The following MAP3K9 variants were observed in gnomAD, a reference collection of about 807,000 sequenced individuals.
MAP3K9 encodes mitogen-activated protein kinase kinase kinase 9, also known as mixed lineage kinase 1 (tyr and ser/thr specificity).
In MAP3K9, 46 loss-of-function variants were observed where a neutral mutation model predicts 95.8. The observed-to-expected ratio is 0.48, with a 90% CI of 0.38 to 0.61. The LOEUF is 0.61. Ranked by LOEUF, MAP3K9 falls within the 20% of genes least tolerant of loss-of-function variation. MAP3K9 has a pLI of 0.00. For missense variants in MAP3K9, 1,296 were observed against 1,474.3 expected (o/e 0.88, Z 1.98); for synonymous variants, 533 against 593.8 (o/e 0.90, Z 1.49).
At chr14:70,803,110 A>C (rs1256810079) in intron 1 of MAP3K9, among the ~76,000 whole-genome samples, 1 of 151,912 alleles carries the variant, frequency 6.6e-6, no homozygotes, top group Non-Finnish European at 1.5e-5. Flanking sequence ...GGCTCCCACC[A>C]CGTGACATGC....
chr14:70,798,640 G>C (rs983304298), intron 2 of MAP3K9, among the ~76,000 whole-genome samples: 1 of 150,920 alleles, frequency 6.6e-6, no homozygotes, highest in East Asian at 2.0e-4. Context: ...CACTACGCCC[G>C]GCTAATTTTT....
At chr14:70,794,825 G>A (rs1019035614) in intron 2 of MAP3K9, among the ~76,000 whole-genome samples, 1 of 151,306 alleles carries the variant, frequency 6.6e-6, no homozygotes, top group African/African-American at 2.4e-5. Flanking sequence ...CTACAGGCAC[G>A]TACCACCATG....
chr14:70,753,370 C>G (rs901976727), intron 3 of MAP3K9, among the ~76,000 whole-genome samples: 2 of 152,174 alleles, frequency 1.3e-5, no homozygotes, highest in African/African-American at 2.4e-5. Flanking sequence ...CTGGGGCTGA[C>G]TAAACTAGTT....
At chr14:70,753,086 C>A (rs565476146) in intron 3 of MAP3K9, 6 of 152,382 alleles carry the variant, frequency 3.9e-5, no homozygotes, top group African/African-American at 1.4e-4. Context: ...TATCACTTAA[C>A]AGCTATGTGC....
intron 2 of MAP3K9, among the ~76,000 whole-genome samples, chr14:70,761,735 T>C (rs1490264917): frequency 6.6e-6 from 1 of 152,262 alleles, no homozygotes; most frequent in East Asian, 1.9e-4. Flanking sequence ...AAGCCTTATT[T>C]TATTTTTTGT....
At chr14:70,773,424 G>T (rs2054556121) in intron 2 of MAP3K9, among the ~76,000 whole-genome samples, 1 of 152,224 alleles carries the variant, frequency 6.6e-6, no homozygotes, top group Non-Finnish European at 1.5e-5. Context: ...TTAATGATAG[G>T]AAAAGAGCCT....
chr14:70,769,119 G>A (rs1222327451), intron 2 of MAP3K9, among the ~76,000 whole-genome samples: 1 of 150,636 alleles, frequency 6.6e-6, no homozygotes, highest in African/African-American at 2.4e-5. Flanking sequence ...GCTGAGGCAG[G>A]AGAATGGCTT....
intron 2 of MAP3K9, among the ~76,000 whole-genome samples, chr14:70,791,602 TG>T (rs2139843910): frequency 6.6e-6 from 1 of 152,360 alleles, no homozygotes; most frequent in African/African-American, 2.4e-5. Context: ...GCACTGGGCC[TG>T]CTGGCCTCAC....
intron 2 of MAP3K9, among the ~76,000 whole-genome samples, chr14:70,777,164 G>T (rs748073594): frequency 1.4e-4 from 22 of 152,220 alleles, no homozygotes; most frequent in Non-Finnish European, 2.9e-4. Flanking sequence ...TCTCTAGGGC[G>T]CTGTTGCTTC....
intron 2 of MAP3K9, among the ~76,000 whole-genome samples, chr14:70,793,622 G>A (rs2054830441): frequency 6.6e-6 from 1 of 152,094 alleles, no homozygotes; most frequent in Admixed American, 6.6e-5. Context: ...TACATTTTGG[G>A]ATCACGTAAG....
rs767594940 is a variant in MAP3K9 at position 70,800,686 on chromosome 14, G to A, written c.801C>T (p.Arg267=). 3.0e-5 allele frequency: 49 copies of A among 1,613,550 alleles called. No homozygotes were observed. Among genetic ancestry groups the A allele is most frequent in the Admixed American group, 1.5e-4 (9 of 59,974 alleles). ...HDEAIVPIIH[R]DLKSSNILIL... ...ACTCACTGTTGCTGGACTTAAGGTC[G>A]CGGTGGATGATGGGAACAATTGCCT... The change falls in exon 2 of 12, where the codon CGC becomes CGT. Residue 267 remains arginine (R), a synonymous_variant. Transcript: ENST00000554752.
chr14:70,791,689 C>T (rs2054809052), intron 2 of MAP3K9, among the ~76,000 whole-genome samples: 1 of 152,224 alleles, frequency 6.6e-6, no homozygotes, highest in African/African-American at 2.4e-5. Flanking sequence ...ACGTCGGAAA[C>T]AAAACTTCCT....
chr14:70,762,472 G>T (rs1266096791), intron 2 of MAP3K9, among the ~76,000 whole-genome samples: 1 of 152,002 alleles, frequency 6.6e-6, no homozygotes, highest in Admixed American at 6.6e-5. Context: ...TTGTGGTTTG[G>T]GTTTGCATTT....
At position 70,740,070 on chromosome 14, in the gene MAP3K9, G is replaced by A; in HGVS notation, c.1662C>T (p.Thr554=). The A allele has an allele frequency of 6.2e-7, 1 of 1,614,188 alleles. No homozygotes were observed. Among genetic ancestry groups the A allele is most frequent in the Non-Finnish European group, 8.5e-7 (1 of 1,180,030 alleles). ...GGATGGCTCGAAGGCGAGGAATGAT[G>A]GTGGGGCTTGCAGGAGGACTGGAGC... ...NSRSSPPASP[T]IIPRLRAIQL... is the part of the protein sequence containing the mutation. The change falls in exon 7 of 12, where the codon ACC becomes ACT. Residue 554 remains threonine, a synonymous_variant. Transcript: ENST00000554752.
At chr14:70,733,736 G>A in intron 10 of MAP3K9, 1 of 718,458 alleles carries the variant, frequency 1.4e-6, no homozygotes, top group East Asian at 2.7e-5. Context: ...GGAGTCAGGG[G>A]GCAGGGAGAG....
chr14:70,739,523 C>CAT (rs2054036483), intron 7 of MAP3K9, among the ~76,000 whole-genome samples: 1 of 151,720 alleles, frequency 6.6e-6, no homozygotes, highest in African/African-American at 2.4e-5. Flanking sequence ...CACACACACA[C>CAT]ACACTTACAT....
rs774353134 is a variant in MAP3K9 at position 70,725,416 on chromosome 14, G to A, written c.*4964C>T. On this transcript the variant is annotated 3_prime_UTR_variant, in exon 12 of 12. Coordinates refer to ENST00000554752, the MANE Select transcript of MAP3K9 (RefSeq NM_001284230.2). ...CATAAGAGACTCACCTGGCCTGCAC[G>A]GCTAACCATAAGTCCCGGGCTGAGT... 2 of 152,198 alleles carry A rather than the reference G, an allele frequency of 1.3e-5. No homozygotes were observed. Among genetic ancestry groups the A allele is most frequent in the Non-Finnish European group, 2.9e-5 (2 of 68,054 alleles). 9.4% of individuals were successfully genotyped at this position (152,198 alleles called of 1,614,324 possible).
chr14:70,804,800 A>T (rs117133923), intron 1 of MAP3K9, among the ~76,000 whole-genome samples: 2,844 of 152,322 alleles, frequency 0.019, 38 homozygotes, highest in Non-Finnish European at 0.03. Flanking sequence ...CTTTGAGTAG[A>T]ACATAAAAAT....
At chr14:70,732,021 G>GTA (rs2053910899) in intron 11 of MAP3K9, among the ~76,000 whole-genome samples, 1 of 152,208 alleles carries the variant, frequency 6.6e-6, no homozygotes, top group Non-Finnish European at 1.5e-5. Flanking sequence ...GAAGAGGCAG[G>GTA]TATGAGTCAG....
Sources: allele counts gnomAD v4.1 joint callset (sites outside exome capture counted in the v4.1 genomes callset), GRCh38; gene constraint gnomAD v4.1.1; transcripts MANE v1.5; gene names NCBI Gene and HGNC (gene_info 2026-07-23, HGNC 2026-07-21).